The following TENM4 variants were observed in gnomAD, a reference collection of about 807,000 sequenced individuals.
The protein encoded by TENM4 is teneurin-4.
In TENM4, 82 loss-of-function variants were observed where a neutral mutation model predicts 243.3. The ratio of observed to expected loss-of-function variants is 0.34; its 90% CI spans 0.28 to 0.40. TENM4 has a LOEUF of 0.40. Ranked by LOEUF, TENM4 falls within the 10% of genes least tolerant of loss-of-function variation. The pLI, the probability that TENM4 is intolerant of heterozygous loss-of-function variation, is 1.00. For synonymous variants in TENM4, 1,412 were observed against 1,456.3 expected (o/e 0.97, Z 0.69); for missense variants, 3,138 against 3,673.3 (o/e 0.85, Z 3.77).
In TENM4 at chr11:78,657,109, G is replaced by T. The variant is rs1857914624; in HGVS notation, c.*949C>A. ...ATGCCTTTGCCATGGGTGGCCTTCT[G>T]TTCTGTGGACATGGTGCCCACATTG... On this transcript the variant is annotated 3_prime_UTR_variant, in exon 34 of 34. Transcript: ENST00000278550. 2.5e-6 allele frequency: 1 copy of T among 398,560 alleles called. No individual in the cohort carries two copies. 24.7% of individuals were successfully genotyped at this position (398,560 alleles called of 1,614,324 possible).
chr11:78,963,836 A>T (rs1182875168), intron 6 of TENM4, among the ~76,000 whole-genome samples: 1 of 149,152 alleles, frequency 6.7e-6, no homozygotes, highest in Admixed American at 6.7e-5. Context: ...GGTCCAAGTG[A>T]TTCTCCTGCC....
At chr11:79,032,595 G>T (rs77123186) in intron 6 of TENM4, among the ~76,000 whole-genome samples, 4,793 of 152,210 alleles carry the variant, frequency 0.031, 219 homozygotes, top group African/African-American at 0.089. Flanking sequence ...ATCAGGCGCC[G>T]TTCCCCTTAG....
chr11:78,860,391 T>C (rs1468626911), intron 10 of TENM4, among the ~76,000 whole-genome samples: 2 of 152,206 alleles, frequency 1.3e-5, no homozygotes, highest in Admixed American at 1.3e-4. Flanking sequence ...AGGGTCAGGA[T>C]TAACATCCTA....
intron 25 of TENM4, among the ~76,000 whole-genome samples, chr11:78,719,049 G>T (rs1859587111): frequency 6.6e-6 from 1 of 152,002 alleles, no homozygotes; most frequent in Non-Finnish European, 1.5e-5. Context: ...AACTCTATAG[G>T]ATGTTATCAT....
chr11:78,910,806 G>T (rs1393138396), intron 6 of TENM4, among the ~76,000 whole-genome samples: 1 of 152,144 alleles, frequency 6.6e-6, no homozygotes, highest in Non-Finnish European at 1.5e-5. Context: ...CGGACAAAAT[G>T]GTTTCGGTTC....
intron 5 of TENM4, among the ~76,000 whole-genome samples, chr11:79,065,972 T>C (rs1406014283): frequency 6.6e-6 from 1 of 152,178 alleles, no homozygotes; most frequent in African/African-American, 2.4e-5. Flanking sequence ...GTATACAAAG[T>C]CAGTAAGGGT....
chr11:78,906,726 G>A (rs1002556670), intron 6 of TENM4, among the ~76,000 whole-genome samples: 1 of 152,142 alleles, frequency 6.6e-6, no homozygotes, highest in Non-Finnish European at 1.5e-5. Flanking sequence ...GCTGACAGCA[G>A]GCAACCCAGA....
Position 79,336,515 on chromosome 11 carries a change from G to C in TENM4, c.-320-38972C>G, listed in dbSNP as rs571132534. Among the ~76,000 whole-genome samples, 143 of 152,276 alleles carry C rather than the reference G, an allele frequency of 9.4e-4. 7 individuals are homozygous for C. In the South Asian group the frequency reaches 0.02, roughly 22 times the overall value. On this transcript the variant is annotated intron_variant, in intron 1 of 33. Coordinates refer to ENST00000278550, the MANE Select transcript of TENM4 (RefSeq NM_001098816.3). ...GTAGGTGTTCAGAAAGAATCGGCTG[G>C]TTATGTGCTTATAAGCTATTACCAC...
intron 9 of TENM4, among the ~76,000 whole-genome samples, chr11:78,881,585 T>C (rs66500469): frequency 0.13 from 19,626 of 152,122 alleles, 1,856 homozygotes; most frequent in African/African-American, 0.27. Flanking sequence ...TACCATTCCT[T>C]GACACACTGC....
At chr11:78,941,769 T>A (rs1856901203) in intron 6 of TENM4, among the ~76,000 whole-genome samples, 1 of 152,204 alleles carries the variant, frequency 6.6e-6, no homozygotes, top group South Asian at 2.1e-4. Context: ...AAGCTGTCCC[T>A]GAAATGGGCA....
At chr11:79,248,296 A>G (rs1033121503) in intron 2 of TENM4, among the ~76,000 whole-genome samples, 3 of 152,216 alleles carry the variant, frequency 2.0e-5, no homozygotes, top group Admixed American at 6.5e-5. Context: ...GAGTTAGAAA[A>G]GAGGTCCTGC....
At chr11:79,254,593 C>T (rs1855669235) in intron 2 of TENM4, among the ~76,000 whole-genome samples, 1 of 152,150 alleles carries the variant, frequency 6.6e-6, no homozygotes, top group Non-Finnish European at 1.5e-5. Flanking sequence ...TTTTTAAAGT[C>T]AACAGGAGTT....
intron 1 of TENM4, among the ~76,000 whole-genome samples, chr11:79,389,329 A>AT (rs1316518932): frequency 6.6e-5 from 10 of 151,644 alleles, no homozygotes; most frequent in Non-Finnish European, 1.2e-4. Flanking sequence ...CTAATTTTTA[A>AT]TTTTTTTTTG....
chr11:79,091,807 A>G (rs967387397), intron 4 of TENM4, among the ~76,000 whole-genome samples: 3 of 152,118 alleles, frequency 2.0e-5, no homozygotes, highest in Admixed American at 1.3e-4. Flanking sequence ...AAATATACTT[A>G]GTGCCACTCT....
At chr11:78,888,441 G>A (rs1380308468) in intron 9 of TENM4, among the ~76,000 whole-genome samples, 1 of 152,190 alleles carries the variant, frequency 6.6e-6, no homozygotes, top group Non-Finnish European at 1.5e-5. Flanking sequence ...GCTTATTACA[G>A]CTTGAGATAT....
intron 28 of TENM4, among the ~76,000 whole-genome samples, chr11:78,698,086 G>C (rs1272155243): frequency 6.6e-6 from 1 of 152,164 alleles, no homozygotes; most frequent in Non-Finnish European, 1.5e-5. Context: ...AATCTTTTAA[G>C]AGAATTGGCA....
chr11:79,305,754 G>A (rs1027688171), intron 1 of TENM4, among the ~76,000 whole-genome samples: 4 of 152,214 alleles, frequency 2.6e-5, no homozygotes, highest in Admixed American at 1.3e-4. Context: ...GGCTGCATTC[G>A]AGACAGACTA....
intron 1 of TENM4, among the ~76,000 whole-genome samples, chr11:79,400,142 CA>C (rs1565330531): frequency 1.0e-4 from 15 of 146,040 alleles, no homozygotes; most frequent in African/African-American, 3.1e-4. Flanking sequence ...CACACACACA[CA>C]CACCCTCCAG....
intron 1 of TENM4, among the ~76,000 whole-genome samples, chr11:79,322,793 C>T (rs1308044634): frequency 6.6e-6 from 1 of 152,174 alleles, no homozygotes; most frequent in Non-Finnish European, 1.5e-5. Context: ...TCCATGTTTA[C>T]TGCATAAAAA....
Sources: allele counts gnomAD v4.1 joint callset (sites outside exome capture counted in the v4.1 genomes callset), GRCh38; gene constraint gnomAD v4.1.1; transcripts MANE v1.5; gene names NCBI Gene and HGNC (gene_info 2026-07-23, HGNC 2026-07-21).